The following GNB1L variants were observed in gnomAD, a reference collection of about 807,000 sequenced individuals.
GNB1L encodes guanine nucleotide-binding protein subunit beta-like protein 1.
A neutral mutation model predicts 29.1 loss-of-function variants in GNB1L; 20 were observed. The observed-to-expected ratio is 0.69, with a 90% confidence interval of 0.48 to 1.00. The LOEUF is 1.00. Among genes scored for constraint, GNB1L ranks in the 50% least tolerant of loss-of-function variants. The pLI is 0.00. For missense variants in GNB1L, 421 were observed against 464.9 expected (o/e 0.91, Z 0.87); for synonymous variants, 193 against 206.5 (o/e 0.93, Z 0.56).
In GNB1L at chr22:19,788,295, C is replaced by A; in HGVS notation, c.*414G>T. ...CCCAGGAAACCCACACTCGGGGTGG[C>A]CCATTCAACAGCAGGTGTGAGGGTG... On this transcript the variant is annotated 3_prime_UTR_variant, in exon 8 of 8. Transcript: ENST00000329517. The A allele has an allele frequency of 2.0e-6, 1 of 492,442 alleles. No individual in the cohort carries two copies. The highest frequency in any genetic ancestry group is 3.6e-6 in the Non-Finnish European group (1 of 277,462). 30.5% of individuals were successfully genotyped at this position (492,442 alleles called of 1,614,324 possible).
intron 6 of GNB1L, 102 bp from the exon 7 acceptor site, chr22:19,802,318 G>A (rs1487408416): frequency 2.1e-6 from 2 of 931,056 alleles, no homozygotes; most frequent in African/African-American, 3.3e-5. Flanking sequence ...CTGCTGGCTG[G>A]GGCTGTTTCC....
At chr22:19,851,162 TGTG>T (rs1300446951) in intron 2 of GNB1L, 1 of 1,585,056 alleles carries the variant, frequency 6.3e-7, no homozygotes, top group Admixed American at 1.8e-5. Context: ...CCACCTGGGC[TGTG>T]TTCAGAACCC....
intron 2 of GNB1L, among the ~76,000 whole-genome samples, chr22:19,824,081 CA>C (rs1345703537): frequency 6.6e-6 from 1 of 152,244 alleles, no homozygotes; most frequent in Non-Finnish European, 1.5e-5. Flanking sequence ...CCCAGAACTG[CA>C]GGGAACAAAC....
chr22:19,789,709 G>A (rs933253808), intron 7 of GNB1L, among the ~76,000 whole-genome samples: 10 of 152,106 alleles, frequency 6.6e-5, no homozygotes, highest in African/African-American at 2.2e-4. Flanking sequence ...GCCAGGGGGT[G>A]GTGGCATGTG....
intron 5 of GNB1L, among the ~76,000 whole-genome samples, chr22:19,811,328 G>A (rs1454403156): frequency 6.6e-6 from 1 of 152,164 alleles, no homozygotes; most frequent in Non-Finnish European, 1.5e-5. Flanking sequence ...ACAGCGAATG[G>A]GGAGGACTCG....
chr22:19,848,471 G>A (rs1213633884), intron 2 of GNB1L: 1 of 985,332 alleles, frequency 1.0e-6, no homozygotes, highest in East Asian at 1.1e-4. Flanking sequence ...TGGCAACAAA[G>A]CCACTCTGAA....
At chr22:19,807,735 G>T (rs1157941984) in intron 5 of GNB1L, among the ~76,000 whole-genome samples, 2 of 152,218 alleles carry the variant, frequency 1.3e-5, no homozygotes, top group Non-Finnish European at 2.9e-5. Context: ...ATACCAGTTG[G>T]TCCAGCGGTC....
intron 4 of GNB1L, 28 bp downstream of exon 4, chr22:19,820,570 A>G (rs1937569818): frequency 6.2e-7 from 1 of 1,601,302 alleles, no homozygotes; most frequent in Admixed American, 1.7e-5. Context: ...CGAAGGCCAT[A>G]CCTGGCTCCT....
intron 7 of GNB1L, among the ~76,000 whole-genome samples, chr22:19,796,397 C>T (rs963311306): frequency 1.4e-4 from 21 of 152,232 alleles, no homozygotes; most frequent in Non-Finnish European, 2.9e-4. Flanking sequence ...TGCAGCGGGG[C>T]ATCTGACAAC....
At chr22:19,843,371 T>C (rs1001503790) in intron 2 of GNB1L, among the ~76,000 whole-genome samples, 5 of 152,192 alleles carry the variant, frequency 3.3e-5, no homozygotes, top group Non-Finnish European at 7.4e-5. Flanking sequence ...GCTTCAAAGA[T>C]GCAGATCCCA....
chr22:19,783,435 A>G lies in GNB1L; in HGVS notation c.*5274T>C. ...GGAAGCAGTTCACTTAAAGGCCATGAGTTACTCGGGAGGCTGAGGCAGGAG... is the reference window on the plus strand; with the variant it reads ...GGAAGCAGTTCACTTAAAGGCCATGGGTTACTCGGGAGGCTGAGGCAGGAG... On this transcript the variant is annotated 3_prime_UTR_variant, in exon 8 of 8. Transcript: ENST00000329517. 1 of 302,846 alleles carries G rather than the reference A, an allele frequency of 3.3e-6. No homozygotes were observed. Among genetic ancestry groups the G allele is most frequent in the Non-Finnish European group, 6.5e-6 (1 of 154,804 alleles). The allele number at this position is 302,846 out of a possible 1,614,324, so 18.8% of individuals were successfully genotyped here.
At chr22:19,817,507 AG>A (rs889968909) in intron 4 of GNB1L, among the ~76,000 whole-genome samples, 3 of 152,230 alleles carry the variant, frequency 2.0e-5, no homozygotes, top group Non-Finnish European at 4.4e-5. Flanking sequence ...CGTAAGAAAA[AG>A]AAAACAGCGA....
intron 4 of GNB1L, among the ~76,000 whole-genome samples, chr22:19,812,981 C>T (rs530065366): frequency 1.3e-5 from 2 of 152,338 alleles, no homozygotes; most frequent in East Asian, 3.9e-4. Context: ...TGAATCCTCT[C>T]CACGCGTACA....
intron 5 of GNB1L, among the ~76,000 whole-genome samples, chr22:19,807,720 A>C (rs1389239172): frequency 1.3e-5 from 2 of 152,322 alleles, no homozygotes; most frequent in Middle Eastern, 6.8e-3. Flanking sequence ...GAGTAGGCAG[A>C]ACTCATACCA....
At chr22:19,789,104 C>T in intron 7 of GNB1L, 144 bp from the exon 8 acceptor site, 1 of 866,834 alleles carries the variant, frequency 1.2e-6, no homozygotes, top group Non-Finnish European at 1.8e-6. Context: ...ACCCAGCTGA[C>T]CTCCCACTCT....
chr22:19,833,216 A>G (rs1290970122), intron 2 of GNB1L, among the ~76,000 whole-genome samples: 1 of 152,244 alleles, frequency 6.6e-6, no homozygotes, highest in Admixed American at 6.5e-5. Flanking sequence ...CAGATGTTGG[A>G]AATATCTGGT....
At chr22:19,831,014 A>G (rs1937671703) in intron 2 of GNB1L, among the ~76,000 whole-genome samples, 1 of 152,228 alleles carries the variant, frequency 6.6e-6, no homozygotes, top group Admixed American at 6.5e-5. Flanking sequence ...ATCCATATGT[A>G]AAAAATAAAC....
intron 7 of GNB1L, among the ~76,000 whole-genome samples, chr22:19,795,284 G>C (rs1370739138): frequency 6.6e-6 from 1 of 152,102 alleles, no homozygotes; most frequent in Non-Finnish European, 1.5e-5. Context: ...CAGAGACAAA[G>C]AAACAGGCAC....
intron 7 of GNB1L, chr22:19,792,644 G>T: frequency 6.4e-7 from 1 of 1,568,288 alleles, no homozygotes; most frequent in Non-Finnish European, 8.7e-7. Flanking sequence ...TGTTGGCCTG[G>T]GCTGAGAAGA....
Sources: gnomAD v4.1 joint callset for allele counts (sites outside exome capture counted in the v4.1 genomes callset) on GRCh38, gnomAD v4.1.1 for gene constraint, MANE v1.5 for transcripts, NCBI Gene and HGNC (gene_info 2026-07-23, HGNC 2026-07-21) for gene names.